Variants in EYS observed in about 807,000 individuals in gnomAD.
EYS encodes EGF-like photoreceptor maintenance factor.
EYS carries 250 observed loss-of-function variants against 282.1 expected under a neutral mutation model. The observed-to-expected ratio is 0.89, with a 90% CI of 0.80 to 0.98. The LOEUF is 0.98. EYS is among the 50% of genes least tolerant of loss of function. EYS has a pLI of 0.00. For synonymous variants in EYS, 1,355 were observed against 1,282.9 expected (o/e 1.06, Z -1.20); for missense variants, 4,016 against 3,709.0 (o/e 1.08, Z -2.15).
chr6:65,378,275 T>C (rs879072598), intron 8 of EYS, among the ~76,000 whole-genome samples: 2 of 151,784 alleles, frequency 1.3e-5, no homozygotes, highest in Non-Finnish European at 2.9e-5. Context: ...TCAACAAACA[T>C]ATGAAAAAAA....
intron 10 of EYS, among the ~76,000 whole-genome samples, chr6:65,338,990 T>G (rs1192989756): frequency 6.6e-6 from 1 of 151,194 alleles, no homozygotes; most frequent in Admixed American, 6.6e-5. Flanking sequence ...TTTTGTCATA[T>G]CCACATTATA....
intron 31 of EYS, 97 bp downstream of exon 31, chr6:64,230,495 A>G (rs1293297566): frequency 1.1e-5 from 8 of 737,340 alleles, no homozygotes; most frequent in Non-Finnish European, 1.8e-5. Context: ...TGTTTGTGCT[A>G]GTACCCATCA....
intron 22 of EYS, among the ~76,000 whole-genome samples, chr6:64,702,869 A>T (rs923505441): frequency 5.3e-5 from 8 of 152,150 alleles, no homozygotes; most frequent in South Asian, 2.1e-4. Flanking sequence ...AGTGTTTTGG[A>T]GTGTAACAAA....
intron 19 of EYS, among the ~76,000 whole-genome samples, chr6:64,837,913 T>C (rs1005841036): frequency 6.6e-6 from 1 of 151,480 alleles, no homozygotes; most frequent in African/African-American, 2.4e-5. Flanking sequence ...ATATACACCA[T>C]TCAAGTGATG....
intron 28 of EYS, among the ~76,000 whole-genome samples, chr6:64,396,507 TTTG>T (rs1773382849): frequency 6.6e-6 from 1 of 152,092 alleles, no homozygotes; most frequent in South Asian, 2.1e-4. Context: ...TAATTAGTAT[TTTG>T]TTGTTGTTCC....
In EYS at chr6:65,695,635, ATT is replaced by A. The variant is rs71815460; in HGVS notation, c.-448+11498_-448+11499del. On this transcript the variant is annotated intron_variant, in intron 1 of 42. Transcript: ENST00000503581. ...AAATATCAAGGAGTCAATCATTGTT[ATT>A]TTTTTTTTTACTTTGCCTACCTTAG... is the stretch of plus-strand genomic sequence containing the variant. Among the ~76,000 whole-genome samples the A allele has an allele frequency of 4.0e-4, 49 of 122,348 alleles. 1 individual carries two copies. The highest frequency in any genetic ancestry group is 1.6e-4 in the Admixed American group (2 of 12,356). 80.3% of individuals were successfully genotyped at this position (122,348 alleles called of 152,430 possible). A position where few individuals can be genotyped will look rare whatever the true frequency, so the allele number is the denominator to read the frequency against.
chr6:63,733,883 T>C (rs551716539), intron 41 of EYS, among the ~76,000 whole-genome samples: 1 of 152,266 alleles, frequency 6.6e-6, no homozygotes, highest in South Asian at 2.1e-4. Flanking sequence ...AACTGGCTTC[T>C]TGCTCCAAAG....
At chr6:65,567,986 C>T (rs930558513) in intron 2 of EYS, among the ~76,000 whole-genome samples, 1 of 152,096 alleles carries the variant, frequency 6.6e-6, no homozygotes, top group African/African-American at 2.4e-5. Flanking sequence ...GTATCTCCCA[C>T]AGATGTTGAA....
chr6:64,569,588 G>A (rs969728369), intron 26 of EYS, among the ~76,000 whole-genome samples: 24 of 151,780 alleles, frequency 1.6e-4, no homozygotes, highest in African/African-American at 4.1e-4. Context: ...AAAAATACAA[G>A]AAATTAGCCA....
rs566452376 is a variant in EYS at position 63,884,331 on chromosome 6, A to G, written c.7056-19973T>C. Among the ~76,000 whole-genome samples the G allele has an allele frequency of 3.3e-5, 5 of 152,236 alleles. No individual in the cohort carries two copies. In the East Asian group the frequency reaches 5.8e-4, roughly 18 times the overall value. On this transcript the variant is annotated intron_variant, in intron 35 of 42. Coordinates refer to ENST00000503581, the MANE Select transcript of EYS (RefSeq NM_001142800.2). ...ATAAAAAAAAAAATTCAAATTTTAG[A>G]TGCAGCTGTCCTTTACTGGTAACTT...
chr6:63,759,061 T>G (rs1201668880), intron 41 of EYS, among the ~76,000 whole-genome samples: 2 of 152,126 alleles, frequency 1.3e-5, no homozygotes, highest in African/African-American at 4.8e-5. Flanking sequence ...AAAAATTCAA[T>G]GTATGTATTT....
chr6:63,802,628 G>C (rs573437071), intron 37 of EYS, among the ~76,000 whole-genome samples: 1 of 151,970 alleles, frequency 6.6e-6, no homozygotes, highest in East Asian at 1.9e-4. Flanking sequence ...CTTATTTGGA[G>C]AAACTCTATC....
intron 12 of EYS, among the ~76,000 whole-genome samples, chr6:65,072,673 A>C (rs1367980622): frequency 1.3e-5 from 2 of 151,850 alleles, no homozygotes; most frequent in African/African-American, 4.8e-5. Context: ...ATGAAGATAC[A>C]AAATACCAAT....
chr6:65,440,809 C>A (rs12204183), intron 5 of EYS, among the ~76,000 whole-genome samples: 1 of 146,978 alleles, frequency 6.8e-6, no homozygotes, highest in South Asian at 2.1e-4. Context: ...GTTTTAGTAA[C>A]CTGACTTAAT....
intron 30 of EYS, among the ~76,000 whole-genome samples, chr6:64,250,223 CTT>C (rs1767162550): frequency 1.3e-5 from 2 of 152,242 alleles, no homozygotes; most frequent in South Asian, 4.1e-4. Context: ...AAAGTGGAAA[CTT>C]GAGCACATGA....
chr6:63,869,632 TA>T (rs1262049783), intron 35 of EYS, among the ~76,000 whole-genome samples: 24 of 152,136 alleles, frequency 1.6e-4, no homozygotes, highest in African/African-American at 5.5e-4. Flanking sequence ...CTAAATACAT[TA>T]AATGAGGTAT....
At chr6:64,000,093 G>A (rs1229123988) in intron 33 of EYS, among the ~76,000 whole-genome samples, 1 of 143,406 alleles carries the variant, frequency 7.0e-6, no homozygotes, top group East Asian at 2.2e-4. Flanking sequence ...ACAACGATCA[G>A]ACTTATTTTT....
At chr6:64,756,493 T>C (rs1772939944) in intron 22 of EYS, among the ~76,000 whole-genome samples, 1 of 152,198 alleles carries the variant, frequency 6.6e-6, no homozygotes, top group Non-Finnish European at 1.5e-5. Flanking sequence ...TATAAGATTA[T>C]TTCCTCAAAT....
At chr6:63,872,453 C>G (rs1234205433) in intron 35 of EYS, among the ~76,000 whole-genome samples, 3 of 147,538 alleles carry the variant, frequency 2.0e-5, no homozygotes, top group African/African-American at 7.5e-5. Flanking sequence ...GGAATGGCTC[C>G]TACATCCACT....
Sources: gnomAD v4.1 joint callset for allele counts (sites outside exome capture counted in the v4.1 genomes callset) on GRCh38, gnomAD v4.1.1 for gene constraint, MANE v1.5 for transcripts, NCBI Gene and HGNC (gene_info 2026-07-23, HGNC 2026-07-21) for gene names.